Variants in BNC2 observed in about 807,000 individuals in gnomAD.
The protein encoded by BNC2 is basonuclin zinc finger protein 2, also known as zinc finger protein basonuclin-2.
A neutral mutation model predicts 76.3 loss-of-function variants in BNC2; 20 were observed. That is an observed-to-expected ratio of 0.26 (90% CI 0.18 to 0.38). The LOEUF is 0.38. Among genes scored for constraint, BNC2 ranks in the 10% least tolerant of loss-of-function variants. The pLI is 1.00. For missense variants in BNC2, 1,382 were observed against 1,399.8 expected, an observed-to-expected ratio of 0.99 and a Z score of 0.20; for synonymous variants, 582 against 514.8, an observed-to-expected ratio of 1.13 and a Z score of -1.77.
At chr9:16,548,402 T>G (rs2097345619) in intron 5 of BNC2, among the ~76,000 whole-genome samples, 1 of 150,040 alleles carries the variant, frequency 6.7e-6, no homozygotes, top group African/African-American at 2.4e-5. Context: ...CTTCTTCTTC[T>G]TCGTTTTTTT....
At chr9:16,786,198 T>C (rs1826288921) in intron 1 of BNC2, among the ~76,000 whole-genome samples, 2 of 152,268 alleles carry the variant, frequency 1.3e-5, no homozygotes, top group South Asian at 4.1e-4. Context: ...ACAGAAAACA[T>C]ATGGGAACTT....
At chr9:16,523,598 A>G (rs938562334) in intron 5 of BNC2, among the ~76,000 whole-genome samples, 50 of 152,064 alleles carry the variant, frequency 3.3e-4, no homozygotes, top group African/African-American at 1.1e-3. Flanking sequence ...GAAGAAAGGT[A>G]TAAACTTTCT....
At chr9:16,493,159 G>T (rs562391398) in intron 5 of BNC2, among the ~76,000 whole-genome samples, 6 of 152,134 alleles carry the variant, frequency 3.9e-5, no homozygotes, top group Non-Finnish European at 4.4e-5. Flanking sequence ...CGCAGAAAAA[G>T]CACTCATTAT....
chr9:16,518,954 G>GACTCATCATATATC (rs1320661335), intron 5 of BNC2, among the ~76,000 whole-genome samples: 2 of 152,142 alleles, frequency 1.3e-5, no homozygotes, highest in Non-Finnish European at 2.9e-5. Context: ...CATATAGTTT[G>GACTCATCATATATC]GTGAGTCAAA....
At chr9:16,464,534 T>C (rs1389833507) in intron 5 of BNC2, among the ~76,000 whole-genome samples, 1 of 152,154 alleles carries the variant, frequency 6.6e-6, no homozygotes, top group Non-Finnish European at 1.5e-5. Context: ...GGGAGGGGCA[T>C]CTCTTTGCAG....
chr9:16,712,908 G>A (rs1039555962), intron 3 of BNC2, among the ~76,000 whole-genome samples: 1 of 152,198 alleles, frequency 6.6e-6, no homozygotes, highest in African/African-American at 2.4e-5. Context: ...CCATCTCTGA[G>A]ATGCAAGGCA....
intron 1 of BNC2, among the ~76,000 whole-genome samples, chr9:16,860,589 A>G (rs930385872): frequency 6.6e-6 from 1 of 152,188 alleles, no homozygotes; most frequent in Non-Finnish European, 1.5e-5. Context: ...ACTGTAAGAC[A>G]CTTATCAAAA....
chr9:16,520,416 G>C (rs1325563317), intron 5 of BNC2, among the ~76,000 whole-genome samples: 1 of 152,194 alleles, frequency 6.6e-6, no homozygotes, highest in Non-Finnish European at 1.5e-5. Flanking sequence ...ACAAAATCGA[G>C]AAGGAAAGGA....
intron 1 of BNC2, among the ~76,000 whole-genome samples, chr9:16,812,875 C>T (rs1205145440): frequency 6.6e-6 from 1 of 152,126 alleles, no homozygotes; most frequent in Non-Finnish European, 1.5e-5. Flanking sequence ...ATTTTAGTGT[C>T]TCTGGTTACC....
intron 1 of BNC2, among the ~76,000 whole-genome samples, chr9:16,845,464 G>A (rs1818947197): frequency 6.6e-6 from 1 of 152,150 alleles, no homozygotes; most frequent in Non-Finnish European, 1.5e-5. Context: ...GCTCACACCT[G>A]TAATCCCAGC....
At chr9:16,811,246 C>CAAAAAAAAAAAAAAAAAAAAAAAAA (rs1818044013) in intron 1 of BNC2, among the ~76,000 whole-genome samples, 1 of 81,218 alleles carries the variant, frequency 1.2e-5, no homozygotes. Context: ...AAAAAAAAAC[C>CAAAAAAAAAAAAAAAAAAAAAAAAA]AAAAAAACCA....
chr9:16,831,802 T>C (rs996060862), intron 1 of BNC2, among the ~76,000 whole-genome samples: 6 of 152,188 alleles, frequency 3.9e-5, no homozygotes, highest in African/African-American at 1.2e-4. Context: ...TCTTAGACAA[T>C]GTCACACCAA....
At chr9:16,730,903 CAATT>C (rs1247186111) in intron 2 of BNC2, among the ~76,000 whole-genome samples, 3 of 152,200 alleles carry the variant, frequency 2.0e-5, no homozygotes, top group African/African-American at 7.2e-5. Flanking sequence ...AAAGAGACAA[CAATT>C]AATCCAGACT....
rs562846144 is a variant in BNC2 at position 16,561,155 on chromosome 9, C to T, written c.434-8390G>A. Among the ~76,000 whole-genome samples, 32 of 152,068 alleles carry T rather than the reference C, an allele frequency of 2.1e-4. No homozygotes were observed. In the South Asian group the frequency reaches 5.8e-3, roughly 28 times the overall value. On this transcript the variant is annotated intron_variant, in intron 4 of 6. Transcript: ENST00000380672. ...TCAGGAGGCTGAGATAGGAGAATCT[C>T]TTGAACCCGGGAGGCAGAGGTGGCA...
intron 3 of BNC2, among the ~76,000 whole-genome samples, chr9:16,659,174 G>A (rs541716801): frequency 7.5e-4 from 114 of 151,968 alleles, no homozygotes; most frequent in Non-Finnish European, 1.5e-3. Context: ...ATGCACACAC[G>A]TGCACTGACT....
At chr9:16,671,414 T>A (rs1385148897) in intron 3 of BNC2, among the ~76,000 whole-genome samples, 5 of 152,108 alleles carry the variant, frequency 3.3e-5, no homozygotes, top group Non-Finnish European at 7.4e-5. Flanking sequence ...GGAGAACACA[T>A]CTAGCCTTTC....
rs916599469 is a variant in BNC2, at chr9:16,769,297, T to A, written c.4-30812A>T. 3.3e-5 allele frequency among the ~76,000 whole-genome samples: 5 copies of A among 152,108 alleles called. No individual in the cohort carries two copies. In the East Asian group the frequency reaches 7.7e-4, roughly 23 times the overall value. Reference sequence around the variant, plus strand: ...GTTCGTGTCACTGCTGTACTGGAAGTTCTAGCACAGTGCCTAGCATAAAAT... The same window carrying A: ...GTTCGTGTCACTGCTGTACTGGAAGATCTAGCACAGTGCCTAGCATAAAAT... On this transcript the variant is annotated intron_variant, in intron 1 of 6. Transcript: ENST00000380672.
intron 3 of BNC2, among the ~76,000 whole-genome samples, chr9:16,602,546 A>G (rs1028455645): frequency 1.1e-4 from 16 of 152,224 alleles, no homozygotes; most frequent in Admixed American, 7.2e-4. Context: ...ATGTCTTTTC[A>G]GTGGTGCCAC....
intron 1 of BNC2, among the ~76,000 whole-genome samples, chr9:16,840,158 GA>G (rs11352970): frequency 0.98 from 149,103 of 152,288 alleles, 73,077 homozygotes; most frequent in Middle Eastern, 1. Context: ...GTCTGGGTTA[GA>G]AAAAAATCCA....
Sources: allele counts gnomAD v4.1 joint callset (sites outside exome capture counted in the v4.1 genomes callset), GRCh38; gene constraint gnomAD v4.1.1; transcripts MANE v1.5; gene names NCBI Gene and HGNC (gene_info 2026-07-23, HGNC 2026-07-21).